KCNIP4: variants seen among roughly 807,000 people sequenced by gnomAD.
KCNIP4 encodes the protein potassium voltage-gated channel interacting protein 4, also known as Kv channel-interacting protein 4.
Under a neutral mutation model 34.0 loss-of-function variants are expected in KCNIP4, and 12 were observed. That is an observed-to-expected ratio of 0.35 (90% confidence interval 0.23 to 0.57). The LOEUF (loss-of-function observed/expected upper bound fraction) is 0.57. KCNIP4 is among the 20% of genes least tolerant of loss of function. The pLI is 0.83. For missense variants in KCNIP4, 238 were observed against 311.7 expected (o/e 0.76, Z 1.78); for synonymous variants, 124 against 102.2 (o/e 1.21, Z -1.29).
chr4:21,012,023 A>G (rs748116053), intron 1 of KCNIP4, among the ~76,000 whole-genome samples: 4 of 152,242 alleles, frequency 2.6e-5, no homozygotes, highest in Non-Finnish European at 4.4e-5. Flanking sequence ...CAAAAGCATG[A>G]TAAGAATGTG....
chr4:21,836,375 A>C (rs755709889), intron 1 of KCNIP4, among the ~76,000 whole-genome samples: 1 of 152,170 alleles, frequency 6.6e-6, no homozygotes, highest in Non-Finnish European at 1.5e-5. Context: ...TTGCCTCTCC[A>C]CTATCTGTGA....
intron 1 of KCNIP4, among the ~76,000 whole-genome samples, chr4:21,120,779 C>G (rs1400537736): frequency 6.6e-6 from 1 of 152,158 alleles, no homozygotes; most frequent in Non-Finnish European, 1.5e-5. Context: ...GACACAAAGC[C>G]TAACCATATC....
Position 21,683,202 on chromosome 4 carries a change from C to A in KCNIP4, c.61+265369G>T, listed in dbSNP as rs568718653. Among the ~76,000 whole-genome samples the A allele has an allele frequency of 1.2e-4, 18 of 152,150 alleles. No individual in the cohort carries two copies. The South Asian group carries it at 3.3e-3, about 28-fold the overall frequency. ...TCCCTTACCATACCTTCTGAATGTG[C>A]CACACATATTAAAGACACAACAGAC... On this transcript the variant is annotated intron_variant, in intron 1 of 8. Transcript: ENST00000382152.
intron 2 of KCNIP4, among the ~76,000 whole-genome samples, chr4:20,871,044 T>G (rs1449914574): frequency 6.6e-6 from 1 of 152,140 alleles, no homozygotes; most frequent in Admixed American, 6.6e-5. Flanking sequence ...TATAAACATT[T>G]AGAGGCAAGA....
chr4:21,707,074 C>A lies in KCNIP4; in HGVS notation c.61+241497G>T, dbSNP rs78375890. On this transcript the variant is annotated intron_variant, in intron 1 of 8. Transcript: ENST00000382152. ...ATAGCTCTGTGAATACAAAGCAAGT[C>A]AAAATCAACCCTACTGGCATAGGAA... is the stretch of plus-strand genomic sequence containing the variant. 5.7e-3 allele frequency among the ~76,000 whole-genome samples: 866 copies of A among 152,270 alleles called. 6 individuals are homozygous for A. Among genetic ancestry groups the A allele is most frequent in the South Asian group, 0.011 (53 of 4,826 alleles).
intron 1 of KCNIP4, among the ~76,000 whole-genome samples, chr4:21,639,876 T>G (rs891694185): frequency 6.6e-6 from 1 of 152,200 alleles, no homozygotes; most frequent in African/African-American, 2.4e-5. Flanking sequence ...ATTAATCATA[T>G]GACTTCCATC....
chr4:20,895,985 C>CA (rs1299236581), intron 1 of KCNIP4, among the ~76,000 whole-genome samples: 1 of 152,066 alleles, frequency 6.6e-6, no homozygotes, highest in African/African-American at 2.4e-5. Context: ...CTTTTTAGCT[C>CA]AAACACTTTT....
chr4:21,780,422 G>A (rs7681415), intron 1 of KCNIP4, among the ~76,000 whole-genome samples: 98,856 of 152,018 alleles, frequency 0.65, 33,281 homozygotes, highest in Non-Finnish European at 0.74. Flanking sequence ...ACAGCTGGGT[G>A]ACCCACCACC....
intron 1 of KCNIP4, among the ~76,000 whole-genome samples, chr4:21,488,718 G>A (rs1486458746): frequency 1.3e-5 from 2 of 151,998 alleles, no homozygotes; most frequent in Non-Finnish European, 1.5e-5. Flanking sequence ...TTGGCAGGTG[G>A]GTAAATGAAT....
chr4:21,533,116 T>G (rs1736838453), intron 1 of KCNIP4, among the ~76,000 whole-genome samples: 1 of 151,918 alleles, frequency 6.6e-6, no homozygotes, highest in Non-Finnish European at 1.5e-5. Context: ...AAAATCCATT[T>G]TAGAGAGCCA....
chr4:21,061,099 G>A (rs1235405743), intron 1 of KCNIP4, among the ~76,000 whole-genome samples: 2 of 152,102 alleles, frequency 1.3e-5, no homozygotes, highest in Admixed American at 6.6e-5. Flanking sequence ...CTTGTGGCAA[G>A]ATCTTATGTT....
intron 1 of KCNIP4, among the ~76,000 whole-genome samples, chr4:21,289,597 T>TA (rs563876170): frequency 1.3e-5 from 2 of 152,180 alleles, no homozygotes; most frequent in South Asian, 2.1e-4. Flanking sequence ...TAAAGTACTT[T>TA]AAAAAAATGT....
intron 1 of KCNIP4, among the ~76,000 whole-genome samples, chr4:21,045,176 C>T (rs1222282195): frequency 6.6e-6 from 1 of 152,158 alleles, no homozygotes; most frequent in Admixed American, 6.6e-5. Context: ...AAATTTAATT[C>T]CCTCTTTTAT....
At chr4:21,901,347 G>A (rs1420989506) in intron 1 of KCNIP4, among the ~76,000 whole-genome samples, 1 of 152,184 alleles carries the variant, frequency 6.6e-6, no homozygotes. Context: ...TTCAAACAGC[G>A]CACCCTCTCG....
intron 1 of KCNIP4, among the ~76,000 whole-genome samples, chr4:21,707,535 C>G (rs1713379021): frequency 6.6e-6 from 1 of 151,796 alleles, no homozygotes; most frequent in South Asian, 2.1e-4. Context: ...GAAATGTGCA[C>G]CAGGTAGAGG....
chr4:20,827,683 T>C (rs1320691503), intron 3 of KCNIP4, among the ~76,000 whole-genome samples: 2 of 152,076 alleles, frequency 1.3e-5, no homozygotes, highest in African/African-American at 4.8e-5. Flanking sequence ...TCTGAGCTTA[T>C]ATTTTCTCAC....
chr4:21,123,845 C>G (rs1428180025), intron 1 of KCNIP4, among the ~76,000 whole-genome samples: 1 of 152,062 alleles, frequency 6.6e-6, no homozygotes, highest in Non-Finnish European at 1.5e-5. Context: ...GAATGTATAG[C>G]AAGCATGTGG....
At chr4:21,701,785 C>A (rs1442885443) in intron 1 of KCNIP4, among the ~76,000 whole-genome samples, 2 of 151,984 alleles carry the variant, frequency 1.3e-5, no homozygotes, top group Non-Finnish European at 2.9e-5. Context: ...CTCACTGCAA[C>A]CTCTACCTCC....
chr4:21,111,636 C>T (rs1466099852), intron 1 of KCNIP4, among the ~76,000 whole-genome samples: 1 of 152,190 alleles, frequency 6.6e-6, no homozygotes, highest in Non-Finnish European at 1.5e-5. Context: ...CCCAAAGAGG[C>T]TCTAAGGATA....
Sources: gnomAD v4.1 joint callset for allele counts (sites outside exome capture counted in the v4.1 genomes callset) on GRCh38, gnomAD v4.1.1 for gene constraint, MANE v1.5 for transcripts, NCBI Gene and HGNC (gene_info 2026-07-23, HGNC 2026-07-21) for gene names.